WASF1: variants seen among roughly 807,000 people sequenced by gnomAD.
The protein encoded by WASF1 is actin-binding protein WASF1.
WASF1 carries 7 observed loss-of-function variants against 50.5 expected under a neutral mutation model. That is an observed-to-expected ratio of 0.14 (90% CI 0.08 to 0.26). The LOEUF (loss-of-function observed/expected upper bound fraction) is 0.26. WASF1 is among the 10% of genes least tolerant of loss of function. The probability of loss-of-function intolerance (pLI) is 1.00; values close to 1 mark genes in which losing one functional copy is unlikely to be tolerated. For missense variants in WASF1, 470 were observed against 694.7 expected (o/e 0.68, Z 3.64); for synonymous variants, 205 against 244.0 (o/e 0.84, Z 1.49).
intron 5 of WASF1, among the ~76,000 whole-genome samples, chr6:110,113,013 A>C (rs1404705163): frequency 6.6e-6 from 1 of 152,126 alleles, no homozygotes; most frequent in Non-Finnish European, 1.5e-5. Context: ...ATAAATTATA[A>C]GGGAGAAATG....
At chr6:110,104,259 G>A (rs1411696190) in intron 8 of WASF1, among the ~76,000 whole-genome samples, 1 of 152,158 alleles carries the variant, frequency 6.6e-6, no homozygotes, top group Admixed American at 6.5e-5. Flanking sequence ...CACACAGCAA[G>A]TCAGAAATTA....
In WASF1 at chr6:110,127,570, CT is replaced by C; in HGVS notation, c.31del (p.Arg11GlyfsTer19). ...AGGCAGTGCTGTGTGGCACAAGTGC[CT>C]AGGATCGATGTTTCTTTTCACTAGC... is the stretch of plus-strand genomic sequence containing the variant. Reference protein sequence around the residue: MPLVKRNIDPRHLCHTALPRG... With the variant: MPLVKRNIDPXHLCHTALPRG... On this transcript the variant is annotated frameshift_variant, in exon 4 of 11. Transcript: ENST00000392589. LOFTEE classifies it high-confidence loss of function. 1 of 1,575,994 alleles carries C rather than the reference CT, an allele frequency of 6.3e-7. No individual in the cohort carries two copies. The highest frequency in any genetic ancestry group is 1.7e-4 in the Middle Eastern group (1 of 5,968).
chr6:110,153,577 C>T (rs1445092585), intron 3 of WASF1, among the ~76,000 whole-genome samples: 1 of 152,022 alleles, frequency 6.6e-6, no homozygotes, highest in African/African-American at 2.4e-5. Flanking sequence ...ACAGTGGTAT[C>T]TCATAATTTT....
rs183897357 is a variant in WASF1, at chr6:110,107,211, C to T, written c.423-17G>A. On this transcript the variant is annotated splice_polypyrimidine_tract_variant and intron_variant, in intron 6 of 10. Transcript: ENST00000392589. ...CCATCATCTCTGAAATATAAAATAT[C>T]AATTAAAACACACATTAGTAAGACT... The T allele has an allele frequency of 2.8e-5, 42 of 1,484,844 alleles. No individual in the cohort carries two copies. The African/African-American group carries it at 5.4e-4, about 19-fold the overall frequency. The allele number at this position is 1,484,844 out of a possible 1,614,324, so 92.0% of individuals were successfully genotyped here. A position where few individuals can be genotyped will look rare whatever the true frequency, so the allele number is the denominator to read the frequency against.
chr6:110,154,722 C>T (rs1562185313), intron 3 of WASF1, among the ~76,000 whole-genome samples: 1 of 151,910 alleles, frequency 6.6e-6, no homozygotes, highest in African/African-American at 2.4e-5. Context: ...TATATAGGAA[C>T]AAACAAACAC....
chr6:110,149,992 G>C (rs4947048), intron 3 of WASF1, among the ~76,000 whole-genome samples: 35,338 of 151,992 alleles, frequency 0.23, 6,252 homozygotes, highest in African/African-American at 0.5. Context: ...CCTCCTATTA[G>C]AGATGTGAGC....
intron 3 of WASF1, among the ~76,000 whole-genome samples, chr6:110,147,174 C>A (rs1775605865): frequency 1.3e-5 from 2 of 151,914 alleles, no homozygotes; most frequent in African/African-American, 4.8e-5. Flanking sequence ...GGTGAAACCC[C>A]ATCTCTACTA....
At chr6:110,102,291 T>C in intron 9 of WASF1, 75 bp from the exon 10 acceptor site, 1 of 1,312,788 alleles carries the variant, frequency 7.6e-7, no homozygotes, top group Admixed American at 2.9e-5. Flanking sequence ...ACACAAACTA[T>C]AAATGACTAT....
chr6:110,105,890 T>C (rs1773301641), intron 7 of WASF1, among the ~76,000 whole-genome samples: 1 of 152,202 alleles, frequency 6.6e-6, no homozygotes, highest in Non-Finnish European at 1.5e-5. Flanking sequence ...TCATGAACCC[T>C]TGCTCCACAG....
chr6:110,139,364 G>A (rs144964597), intron 3 of WASF1, among the ~76,000 whole-genome samples: 1,941 of 152,270 alleles, frequency 0.013, 49 homozygotes, highest in African/African-American at 0.044. Context: ...TTGGTAGAGC[G>A]CAGGGCTCCC....
At chr6:110,146,721 T>C (rs184169680) in intron 3 of WASF1, among the ~76,000 whole-genome samples, 17 of 152,278 alleles carry the variant, frequency 1.1e-4, no homozygotes, top group East Asian at 5.8e-4. Flanking sequence ...TGTTTCATTA[T>C]TGTAAACTAA....
chr6:110,134,422 CT>C (rs201321386), intron 3 of WASF1, among the ~76,000 whole-genome samples: 6,024 of 144,874 alleles, frequency 0.042, 164 homozygotes, highest in South Asian at 0.12. Context: ...TCTATGTGCC[CT>C]TTTTTTTTTT....
intron 2 of WASF1, among the ~76,000 whole-genome samples, chr6:110,161,247 G>GT (rs1321030377): frequency 1.3e-5 from 2 of 151,586 alleles, no homozygotes; most frequent in South Asian, 2.1e-4. Flanking sequence ...ACTAAATAGT[G>GT]TATTACATTT....
chr6:110,133,633 T>C (rs1333278024), intron 3 of WASF1, among the ~76,000 whole-genome samples: 6 of 152,180 alleles, frequency 3.9e-5, no homozygotes, highest in Non-Finnish European at 2.9e-5. Flanking sequence ...TCCCTGATTA[T>C]TAGTGATGGT....
At chr6:110,113,099 C>T (rs1211066932) in intron 5 of WASF1, among the ~76,000 whole-genome samples, 1 of 151,908 alleles carries the variant, frequency 6.6e-6, no homozygotes, top group Non-Finnish European at 1.5e-5. Context: ...AAATTAGGAG[C>T]TGTTTAGTGT....
At chr6:110,138,965 G>A (rs994088135) in intron 3 of WASF1, among the ~76,000 whole-genome samples, 3 of 152,202 alleles carry the variant, frequency 2.0e-5, no homozygotes, top group African/African-American at 4.8e-5. Flanking sequence ...TCAACATGCT[G>A]TCCATGGCAC....
chr6:110,147,143 C>T (rs1217816578), intron 3 of WASF1, among the ~76,000 whole-genome samples: 2 of 151,858 alleles, frequency 1.3e-5, no homozygotes, highest in African/African-American at 4.8e-5. Context: ...GTCAGGAGAT[C>T]GAGACCATCC....
chr6:110,114,029 A>G (rs1773685567), intron 4 of WASF1, among the ~76,000 whole-genome samples: 1 of 152,200 alleles, frequency 6.6e-6, no homozygotes, highest in Non-Finnish European at 1.5e-5. Context: ...CTAAATCATA[A>G]CAATAAATTT....
chr6:110,135,378 G>C (rs543995881), intron 3 of WASF1, among the ~76,000 whole-genome samples: 83 of 152,048 alleles, frequency 5.5e-4, no homozygotes, highest in Non-Finnish European at 2.6e-4. Flanking sequence ...GATTGCTCTG[G>C]CTAGGACTAA....
Sources: allele counts gnomAD v4.1 joint callset (sites outside exome capture counted in the v4.1 genomes callset), GRCh38; gene constraint gnomAD v4.1.1; transcripts MANE v1.5; gene names NCBI Gene and HGNC (gene_info 2026-07-23, HGNC 2026-07-21).